Variants in WDR62 observed in about 807,000 individuals in gnomAD.
The protein encoded by WDR62 is WD repeat-containing protein 62.
Under a neutral mutation model 160.6 loss-of-function variants are expected in WDR62, and 112 were observed. The ratio of observed to expected loss-of-function variants is 0.70; its 90% CI spans 0.60 to 0.82. The LOEUF is 0.82. WDR62 is among the 40% of genes least tolerant of loss of function. The pLI, the probability that WDR62 is intolerant of heterozygous loss-of-function variation, is 0.00. For synonymous variants in WDR62, 792 were observed against 815.1 expected (o/e 0.97, Z 0.48); for missense variants, 1,819 against 1,983.8 (o/e 0.92, Z 1.58).
chr19:36,081,630 A>G (rs1971905881), intron 10 of WDR62, 60 bp downstream of exon 10: 1 of 1,611,822 alleles, frequency 6.2e-7, no homozygotes, highest in Non-Finnish European at 8.5e-7. Flanking sequence ...TGTAAGCTTG[A>G]ATGCAGGGGC....
At position 36,103,279 on chromosome 19, in the gene WDR62, G is replaced by A. The variant is rs371109268; in HGVS notation, c.3515-64G>A. ...TGGCCGGATGTCCAGCCTAGCTGTG[G>A]GGCGTGGGGGCCCTAGCCATCAGTT... On this transcript the variant is annotated intron_variant, in intron 29 of 31. Transcript: ENST00000401500. 5.0e-5 allele frequency: 80 copies of A among 1,611,942 alleles called. No homozygotes were observed. The African/African-American group carries it at 9.7e-4, about 20-fold the overall frequency.
chr19:36,063,312 C>T (rs548127266), intron 3 of WDR62, among the ~76,000 whole-genome samples: 1 of 151,812 alleles, frequency 6.6e-6, no homozygotes, highest in Non-Finnish European at 1.5e-5. Flanking sequence ...TGCAGTGGGG[C>T]GATCTTGGCT....
At position 36,104,507 on chromosome 19, in the gene WDR62, C is replaced by G. The variant is rs1419459432; in HGVS notation, c.4154-11C>G. On this transcript the variant is annotated splice_polypyrimidine_tract_variant and intron_variant, in intron 30 of 31. Coordinates refer to ENST00000401500, the MANE Select transcript of WDR62 (RefSeq NM_001083961.2). ...CAGCTCATCTTGCTCATTCCCTTCT[C>G]TCTACCCCAGGTGCACTTGGTCTGT... 1 of 1,613,454 alleles carries G rather than the reference C, an allele frequency of 6.2e-7. No individual in the cohort carries two copies. The highest frequency in any genetic ancestry group is 1.1e-5 in the South Asian group (1 of 91,076).
At position 36,054,966 on chromosome 19, in the gene WDR62, G is replaced by A. The variant is rs1187064765; in HGVS notation, c.-6G>A. ...GATGTAACGGTCGCCCGCCTCCGGC[G>A]TGACGATGGCGGCCGTAGGGTCCGG... On this transcript the variant is annotated 5_prime_UTR_variant, in exon 1 of 32. It adds an upstream start codon to the 5' untranslated region. Transcript: ENST00000401500. The A allele has an allele frequency of 9.4e-6, 15 of 1,592,142 alleles. No individual in the cohort carries two copies. In the Admixed American group the frequency reaches 2.6e-4, roughly 28 times the overall value.
chr19:36,074,826 A>G (rs1971490612), intron 9 of WDR62, among the ~76,000 whole-genome samples: 1 of 152,198 alleles, frequency 6.6e-6, no homozygotes, highest in South Asian at 2.1e-4. Flanking sequence ...TATTACAGAT[A>G]AGGCTACAGT....
At chr19:36,076,172 A>G (rs1281756259) in intron 9 of WDR62, among the ~76,000 whole-genome samples, 1 of 151,992 alleles carries the variant, frequency 6.6e-6, no homozygotes, top group Non-Finnish European at 1.5e-5. Context: ...CTTGATAGCC[A>G]CCTTGCTGCC....
the WDR62 span, among the ~76,000 whole-genome samples, chr19:36,110,528 G>A: frequency 2.6e-5 from 4 of 152,208 alleles, no homozygotes; most frequent in African/African-American, 9.7e-5. Flanking sequence ...TGGGAGGGAG[G>A]AAGAGTGTTG....
intron 16 of WDR62, among the ~76,000 whole-genome samples, 196 bp from the exon 17 acceptor site, chr19:36,091,004 C>G (rs1164439810): frequency 6.6e-6 from 1 of 152,278 alleles, no homozygotes; most frequent in East Asian, 1.9e-4. Flanking sequence ...ATGTTCAGTG[C>G]TTAGCACAGG....
chr19:36,101,945 C>A, intron 25 of WDR62, 69 bp from the exon 26 acceptor site: 1 of 1,609,912 alleles, frequency 6.2e-7, no homozygotes. Flanking sequence ...CCGCTTTCTC[C>A]ATTTCAGGTG....
At chr19:36,108,904 T>C (rs1411722348), downstream of WDR62, among the ~76,000 whole-genome samples, 9 of 151,534 alleles carry the variant, frequency 5.9e-5, no homozygotes, top group Non-Finnish European at 1.3e-4. Context: ...CTTATATGTC[T>C]GCCACATGCC....
chr19:36,067,559 C>T, intron 6 of WDR62, 116 bp downstream of exon 6: 2 of 1,465,098 alleles, frequency 1.4e-6, no homozygotes, highest in Non-Finnish European at 1.9e-6. Flanking sequence ...CATTTGGCCT[C>T]TCAGGGGCCC....
rs112075926 is a variant in WDR62 at position 36,085,505 on chromosome 19, C to A, written c.1642+761C>A. Among the ~76,000 whole-genome samples, 1,355 of 147,794 alleles carry A rather than the reference C, an allele frequency of 9.2e-3. 22 individuals are homozygous for A. Among genetic ancestry groups the A allele is most frequent in the African/African-American group, 0.032 (1,287 of 40,496 alleles). On this transcript the variant is annotated intron_variant, in intron 12 of 31. Transcript: ENST00000401500. ...ACGCGATCTCAGTTCACTGCAACTT[C>A]CGCCTCCCAGGTTGAAGCGATTCCC...
chr19:36,092,735 A>T lies in WDR62; in HGVS notation c.2257A>T (p.Lys753Ter). The change falls in exon 19 of 32, where the codon AAG (lysine) becomes TAG (stop). Residue 753 changes from lysine (K) to a stop codon, truncating the protein, a stop_gained. Transcript: ENST00000401500. LOFTEE classifies it high-confidence loss of function. Reference protein sequence around the residue: ...HLGPEITNCMKQHLLEIDHRQ... With the variant: ...HLGPEITNCM The stretch of plus-strand genomic sequence containing the variant: ...GGGCCCGGAGATCACCAACTGCATG[A>T]AGCAGCACTTGCTGGAGATTGACCA... The T allele has an allele frequency of 6.2e-7, 1 of 1,614,164 alleles. No individual in the cohort carries two copies. Among genetic ancestry groups the T allele is most frequent in the Non-Finnish European group, 8.5e-7 (1 of 1,180,012 alleles).
intron 9 of WDR62, chr19:36,075,979 T>A (rs1352035650): frequency 1.3e-5 from 2 of 152,246 alleles, no homozygotes; most frequent in African/African-American, 4.8e-5. Context: ...ATTGGTTCCC[T>A]ATCCTCTAAA....
At position 36,073,426 on chromosome 19, in the gene WDR62, C is replaced by T. The variant is rs377726144; in HGVS notation, c.1128C>T (p.Cys376=). 13 of 1,614,064 alleles carry T rather than the reference C, an allele frequency of 8.1e-6. No individual in the cohort carries two copies. The highest frequency in any genetic ancestry group is 1.0e-5 in the Non-Finnish European group (12 of 1,179,980). Residue 376 remains cysteine (C), a synonymous_variant, in exon 9 of 32, where the codon TGC becomes TGT. Transcript: ENST00000401500. ...TFDPIHQWLS[C]VYKDHSIYIW... is the part of the protein sequence containing the mutation. ...ACCCCATCCACCAGTGGCTGTCCTG[C>T]GTGTATAAGGACCACAGCATCTACA...
At chr19:36,091,592 C>A in intron 18 of WDR62, 127 bp downstream of exon 18, 1 of 933,320 alleles carries the variant, frequency 1.1e-6, no homozygotes, top group Non-Finnish European at 1.7e-6. Context: ...CACACCCAGC[C>A]CTGAGTTCAA....
At chr19:36,102,602 C>T in intron 26 of WDR62, 135 bp from the exon 27 acceptor site, 1 of 726,720 alleles carries the variant, frequency 1.4e-6, no homozygotes, top group South Asian at 1.7e-5. Context: ...TGCCTCCTCA[C>T]CCACTGCCCC....
chr19:36,087,977 C>T (rs1018796138), intron 13 of WDR62, among the ~76,000 whole-genome samples: 3 of 152,324 alleles, frequency 2.0e-5, no homozygotes, highest in South Asian at 2.1e-4. Context: ...GGATTCACCA[C>T]GTGCAGGTTA....
chr19:36,102,253 G>A lies in WDR62; in HGVS notation c.3220+102G>A, dbSNP rs568201444. 9.1e-5 allele frequency: 141 copies of A among 1,545,334 alleles called. 1 individual carries two copies. In the Middle Eastern group the frequency reaches 1.5e-3, roughly 17 times the overall value. On this transcript the variant is annotated intron_variant, in intron 26 of 31. Coordinates refer to ENST00000401500, the MANE Select transcript of WDR62 (RefSeq NM_001083961.2). ...CTCCCCAGCAGGGCCAGGAGGGTGA[G>A]TGGAGAGCAACTGCTTCGTTTTTTT...
Sources: allele counts gnomAD v4.1 joint callset (sites outside exome capture counted in the v4.1 genomes callset), GRCh38; gene constraint gnomAD v4.1.1; transcripts MANE v1.5; gene names NCBI Gene and HGNC (gene_info 2026-07-23, HGNC 2026-07-21).